SASH1: variants seen among roughly 807,000 people sequenced by gnomAD.
SASH1 encodes SAM and SH3 domain containing 1, also known as SAM and SH3 domain-containing protein 1.
A neutral mutation model predicts 125.2 loss-of-function variants in SASH1; 44 were observed. That is an observed-to-expected ratio of 0.35 (90% confidence interval 0.28 to 0.45). The LOEUF is 0.45. Among genes scored for constraint, SASH1 ranks in the 20% least tolerant of loss-of-function variants. The pLI is 1.00. For synonymous variants in SASH1, 639 were observed against 649.1 expected (o/e 0.98, Z 0.24); for missense variants, 1,426 against 1,614.5 (o/e 0.88, Z 2.00).
Position 148,527,997 on chromosome 6 carries a change from GGGT to G in SASH1, c.1428+404_1428+406del, listed in dbSNP as rs869076240. 8.0e-4 allele frequency among the ~76,000 whole-genome samples: 105 copies of G among 131,452 alleles called. 1 individual carries two copies. Among genetic ancestry groups the G allele is most frequent in the African/African-American group, 1.2e-3 (40 of 34,192 alleles). The allele number at this position is 131,452 out of a possible 152,430, so 86.2% of individuals were successfully genotyped here. ...TAAAGCTTTTTTTTTTTGGGGGGGG[GGGT>G]GGCAGTAGACTTGTCGATCATAGCA... On this transcript the variant is annotated intron_variant, in intron 12 of 19. Coordinates refer to ENST00000367467, the MANE Select transcript of SASH1 (RefSeq NM_015278.5).
the SASH1 span, among the ~76,000 whole-genome samples, chr6:148,213,339 T>A: frequency 6.6e-6 from 1 of 152,144 alleles, no homozygotes; most frequent in South Asian, 2.1e-4. Context: ...GAACCCCAGA[T>A]TAAGAATCTG....
intron 1 of SASH1, among the ~76,000 whole-genome samples, chr6:148,331,503 G>A (rs998826338): frequency 2.6e-5 from 4 of 151,914 alleles, no homozygotes; most frequent in African/African-American, 4.8e-5. Flanking sequence ...CTAAGTTTTT[G>A]TATTTTCAGT....
intron 2 of SASH1, among the ~76,000 whole-genome samples, chr6:148,406,202 A>C (rs575315681): frequency 2.0e-5 from 3 of 152,284 alleles, no homozygotes; most frequent in African/African-American, 4.8e-5. Flanking sequence ...TTTATTCAGC[A>C]ATCTGCTTGT....
chr6:148,292,183 G>T (rs1779652447), intron 1 of SASH1, among the ~76,000 whole-genome samples: 1 of 152,194 alleles, frequency 6.6e-6, no homozygotes. Flanking sequence ...GAATCATGCA[G>T]CTGGGAGAAA....
chr6:148,242,299 A>C, the SASH1 span, among the ~76,000 whole-genome samples: 1 of 152,238 alleles, frequency 6.6e-6, no homozygotes, highest in Non-Finnish European at 1.5e-5. Flanking sequence ...TCTCCATTCC[A>C]GTGGGAACCT....
At chr6:148,393,824 T>A in intron 2 of SASH1, 2 of 602,954 alleles carry the variant, frequency 3.3e-6, no homozygotes, top group Non-Finnish European at 4.2e-6. Context: ...GCATGACTGT[T>A]CATTCTTTAA....
At chr6:148,468,685 C>A in intron 5 of SASH1, 100 bp downstream of exon 5, 3 of 722,524 alleles carry the variant, frequency 4.2e-6, no homozygotes, top group South Asian at 1.9e-5. Flanking sequence ...TCCTTCTACT[C>A]AGAAATAAAC....
chr6:148,470,944 T>G (rs1271051349), intron 5 of SASH1, among the ~76,000 whole-genome samples: 1 of 152,156 alleles, frequency 6.6e-6, no homozygotes, highest in Non-Finnish European at 1.5e-5. Context: ...CATTCTCTTC[T>G]TGTTGTTAAA....
At chr6:148,445,907 C>A (rs1230700967) in intron 4 of SASH1, among the ~76,000 whole-genome samples, 1 of 151,910 alleles carries the variant, frequency 6.6e-6, no homozygotes, top group Non-Finnish European at 1.5e-5. Context: ...CACGAGCTTA[C>A]GTTTGAAGGC....
the SASH1 span, among the ~76,000 whole-genome samples, chr6:148,201,991 A>C: frequency 1.3e-5 from 2 of 152,064 alleles, no homozygotes; most frequent in Non-Finnish European, 2.9e-5. Context: ...TATATCCACC[A>C]GTTCACCCGG....
At chr6:148,334,115 A>G (rs1201009375) in intron 1 of SASH1, among the ~76,000 whole-genome samples, 5 of 135,686 alleles carry the variant, frequency 3.7e-5, no homozygotes, top group African/African-American at 1.4e-4. Context: ...AGCCATCTGC[A>G]ATAAAATATT....
At chr6:148,371,296 A>G (rs1471648520) in intron 1 of SASH1, among the ~76,000 whole-genome samples, 1 of 147,928 alleles carries the variant, frequency 6.8e-6, no homozygotes, top group Admixed American at 6.7e-5. Flanking sequence ...TTTTTTTTTT[A>G]TCCAGGCTGG....
At chr6:148,510,552 C>A (rs1223195299) in intron 8 of SASH1, among the ~76,000 whole-genome samples, 2 of 152,130 alleles carry the variant, frequency 1.3e-5, no homozygotes, top group African/African-American at 4.8e-5. Context: ...ATATACAATG[C>A]AGATTTCCTC....
intron 8 of SASH1, among the ~76,000 whole-genome samples, chr6:148,496,830 A>T (rs553786225): frequency 4.6e-5 from 7 of 152,036 alleles, no homozygotes; most frequent in Admixed American, 2.0e-4. Context: ...CTATGATTGT[A>T]CCACTGCACT....
At chr6:148,373,002 C>G (rs544042976) in intron 1 of SASH1, among the ~76,000 whole-genome samples, 2 of 152,170 alleles carry the variant, frequency 1.3e-5, no homozygotes, top group East Asian at 3.9e-4. Flanking sequence ...CGAGACCAGC[C>G]TCAACATGGA....
At chr6:148,214,438 G>T in the SASH1 span, among the ~76,000 whole-genome samples, 1 of 152,112 alleles carries the variant, frequency 6.6e-6, no homozygotes, top group South Asian at 2.1e-4. Flanking sequence ...CTATAGGTAA[G>T]TTACTCTATA....
At chr6:148,354,629 T>C (rs912053363) in intron 1 of SASH1, among the ~76,000 whole-genome samples, 1 of 152,240 alleles carries the variant, frequency 6.6e-6, no homozygotes, top group Non-Finnish European at 1.5e-5. Flanking sequence ...AAAGCCATCA[T>C]ATAACAATGG....
chr6:148,279,612 C>A (rs1009683890), intron 1 of SASH1, among the ~76,000 whole-genome samples: 14 of 152,124 alleles, frequency 9.2e-5, no homozygotes, highest in Non-Finnish European at 1.6e-4. Flanking sequence ...GCTTTCTAAC[C>A]TTTTGCAAAA....
intron 2 of SASH1, chr6:148,393,542 A>G (rs1450034083): frequency 9.9e-6 from 2 of 201,246 alleles, no homozygotes; most frequent in Non-Finnish European, 1.8e-5. Flanking sequence ...TCATCATCCC[A>G]TGGTGTTTGG....
Sources: allele counts gnomAD v4.1 joint callset (sites outside exome capture counted in the v4.1 genomes callset), GRCh38; gene constraint gnomAD v4.1.1; transcripts MANE v1.5; gene names NCBI Gene and HGNC (gene_info 2026-07-23, HGNC 2026-07-21).